Variants in KMT2A observed in about 807,000 individuals in gnomAD.
KMT2A encodes lysine methyltransferase 2A.
Under a neutral mutation model 345.3 loss-of-function variants are expected in KMT2A, and 16 were observed. The ratio of observed to expected loss-of-function variants is 0.05; its 90% CI spans 0.03 to 0.07. KMT2A has a LOEUF of 0.07. KMT2A is among the 10% of genes least tolerant of loss of function. KMT2A has a pLI of 1.00. For synonymous variants in KMT2A, 1,599 were observed against 1,778.6 expected (o/e 0.90, Z 2.54); for missense variants, 3,272 against 4,841.6 (o/e 0.68, Z 9.62).
At chr11:118,447,978 C>A (rs527465744) in intron 1 of KMT2A, 21 of 158,016 alleles carry the variant, frequency 1.3e-4, no homozygotes, top group African/African-American at 4.8e-4. Context: ...TACAGTCCTG[C>A]CTACATATGT....
chr11:118,501,702 C>T lies in KMT2A; in HGVS notation c.6350C>T (p.Ala2117Val), dbSNP rs1178545246. The part of the protein sequence containing the change: ...ESSSKESQNT[A>V]EIISPPSPDR... ...TCATCAAAAGAGAGTCAAAACACAG[C>T]TGAAATTATAAGTCCTCCATCACCA... is the stretch of plus-strand genomic sequence containing the variant. The change falls in exon 26 of 36, where the codon GCT becomes GTT. Residue 2117 changes from alanine to valine, a missense_variant. Ala to Val is a moderately conservative substitution (Grantham distance 64). Around this residue, in one of 27 missense-constraint regions of KMT2A, gnomAD observed 66 missense variants for 73.9 expected, o/e 0.89. Coordinates refer to ENST00000534358, the MANE Select transcript of KMT2A (RefSeq NM_001197104.2). 6.2e-7 allele frequency: 1 copy of T among 1,613,522 alleles called. No homozygotes were observed. The highest frequency in any genetic ancestry group is 8.5e-7 in the Non-Finnish European group (1 of 1,179,846).
intron 1 of KMT2A, among the ~76,000 whole-genome samples, chr11:118,463,629 C>T (rs952992536): frequency 6.6e-6 from 1 of 152,120 alleles, no homozygotes; most frequent in Non-Finnish European, 1.5e-5. Context: ...GGTAGGAAAA[C>T]TATTCTACAG....
intron 1 of KMT2A, among the ~76,000 whole-genome samples, chr11:118,452,602 C>T (rs1453044789): frequency 6.6e-6 from 1 of 150,876 alleles, no homozygotes; most frequent in African/African-American, 2.4e-5. Flanking sequence ...TGCCTTCTAC[C>T]ATCAAAGAAG....
At chr11:118,467,279 A>G (rs1949861508) in intron 1 of KMT2A, among the ~76,000 whole-genome samples, 1 of 151,908 alleles carries the variant, frequency 6.6e-6, no homozygotes, top group Non-Finnish European at 1.5e-5. Flanking sequence ...CAGGAGGCTG[A>G]GGCAAGAGAA....
At chr11:118,507,443 A>G in intron 27 of KMT2A, 86 bp from the exon 28 acceptor site, 1 of 1,150,486 alleles carries the variant, frequency 8.7e-7, no homozygotes, top group Non-Finnish European at 1.3e-6. Context: ...AGATCCTGAT[A>G]GAGCCATTTC....
chr11:118,457,257 CTTTTTTTTTTTTTTTT>C (rs782636684), intron 1 of KMT2A, among the ~76,000 whole-genome samples: 1 of 89,058 alleles, frequency 1.1e-5, no homozygotes, highest in Non-Finnish European at 2.1e-5. Flanking sequence ...CACCTCCTGC[CTTTTTTTTTTTTTTTT>C]TTTTTTTTTT....
rs1950203399 is a variant in KMT2A, at chr11:118,484,925, A to G, written c.4282A>G (p.Ile1428Val). 6 of 1,613,990 alleles carry G rather than the reference A, an allele frequency of 3.7e-6. No individual in the cohort carries two copies. The highest frequency in any genetic ancestry group is 5.1e-6 in the Non-Finnish European group (6 of 1,179,922). Reference protein sequence around the residue: ...GGLGILTSVPITPRVVCFLCA... With the variant: ...GGLGILTSVPVTPRVVCFLCA... The stretch of plus-strand genomic sequence containing the variant: ...CTTAGGAATCTTGACTTCTGTTCCT[A>G]TAACACCCAGGGTGGTTTGCTTTCT... Residue 1428 changes from isoleucine to valine, a missense_variant, in exon 10 of 36, where the codon ATA becomes GTA. Transcript: ENST00000534358. The surrounding 1 kb of genome is among the most constrained non-coding windows in gnomAD (Gnocchi z 4.1).
intron 5 of KMT2A, among the ~76,000 whole-genome samples, chr11:118,479,711 A>G (rs2134292320): frequency 6.6e-6 from 1 of 152,342 alleles, no homozygotes; most frequent in Middle Eastern, 3.4e-3. Context: ...TTTGAATTTT[A>G]TTAAATCTAA....
chr11:118,491,215 T>C lies in KMT2A; in HGVS notation c.4716T>C (p.Cys1572=). ...TTTCAGGAAACTTCTGCCCTCTCTG[T>C]GACAAATGTTATGATGATGATGACT... The part of the protein sequence containing the change: ...LFAKGNFCPL[C]DKCYDDDDYE... Residue 1572 remains cysteine, a synonymous_variant, in exon 14 of 36, where the codon TGT becomes TGC. Coordinates refer to ENST00000534358, the MANE Select transcript of KMT2A (RefSeq NM_001197104.2). This position sits in a 1 kb window ranked among gnomAD's most constrained non-coding sequence, Gnocchi z 4.2. 1.9e-6 allele frequency: 3 copies of C among 1,613,554 alleles called. No homozygotes were observed. Among genetic ancestry groups the C allele is most frequent in the Non-Finnish European group, 2.5e-6 (3 of 1,179,786 alleles).
chr11:118,492,091 G>C (rs942393373), intron 15 of KMT2A, among the ~76,000 whole-genome samples, 163 bp downstream of exon 15: 1 of 152,182 alleles, frequency 6.6e-6, no homozygotes, highest in East Asian at 1.9e-4. Context: ...CTTCTTTAGC[G>C]TAAGAAATAG....
intron 1 of KMT2A, among the ~76,000 whole-genome samples, chr11:118,441,679 T>C (rs1949317146): frequency 6.6e-6 from 1 of 152,256 alleles, no homozygotes; most frequent in African/African-American, 2.4e-5. Context: ...ATTAATATGT[T>C]CTGAAATGGT....
At position 118,494,758 on chromosome 11, in the gene KMT2A, T is replaced by C. The variant is rs1205835369; in HGVS notation, c.5354T>C (p.Val1785Ala). 3.1e-6 allele frequency: 5 copies of C among 1,613,110 alleles called. No homozygotes were observed. Among genetic ancestry groups the C allele is most frequent in the Non-Finnish European group, 3.4e-6 (4 of 1,179,234 alleles). ...TCCAGGTTTTGGGAGCCAAATAAAG[T>C]ATCAAGCAAGTAAGTGAATTTAGCA... is the stretch of plus-strand genomic sequence containing the variant. ...KKSRFWEPNK[V>A]SSNSGMLPNA... Residue 1785 changes from valine to alanine, a missense_variant, in exon 18 of 36, where the codon GTA becomes GCA. Physicochemically the swap from Val to Ala is moderately conservative, Grantham distance 64 (BLOSUM62 0). Coordinates refer to ENST00000534358, the MANE Select transcript of KMT2A (RefSeq NM_001197104.2). This position sits in a 1 kb window ranked among gnomAD's most constrained non-coding sequence, Gnocchi z 5.8.
Position 118,472,613 on chromosome 11 carries a change from A to G in KMT2A, c.1454A>G (p.Asp485Gly). The G allele has an allele frequency of 6.2e-7, 1 of 1,611,936 alleles. No homozygotes were observed. Among genetic ancestry groups the G allele is most frequent in the Non-Finnish European group, 8.5e-7 (1 of 1,179,696 alleles). Residue 485 changes from aspartate to glycine, a missense_variant, in exon 3 of 36, where the codon GAT becomes GGT. This residue lies in a region of KMT2A where 180 missense variants were observed against 190.7 expected (regional missense o/e 0.94). Transcript: ENST00000534358. Reference sequence around the variant, plus strand: ...TCTCGATCTAGTAGCCCCAGTGTTGATACCTCCACAGACTCTCAGGCTTCT... The same window carrying G: ...TCTCGATCTAGTAGCCCCAGTGTTGGTACCTCCACAGACTCTCAGGCTTCT... ...DSSRSSSPSV[D>G]TSTDSQASEE...
At position 118,506,181 on chromosome 11, in the gene KMT2A, G is replaced by C. The variant is rs1555048277; in HGVS notation, c.10289G>C (p.Cys3430Ser). ...TAAITAASSI[C>S]VLPSTQTTGI... Reference sequence around the variant, plus strand: ...GCAATAACAGCGGCATCTAGCATCTGTGTGCTCCCCTCCACTCAGACTACG... The same window carrying C: ...GCAATAACAGCGGCATCTAGCATCTCTGTGCTCCCCTCCACTCAGACTACG... The change falls in exon 27 of 36, where the codon TGT (cysteine) becomes TCT (serine). Residue 3430 changes from cysteine to serine, a missense_variant. Coordinates refer to ENST00000534358, the MANE Select transcript of KMT2A (RefSeq NM_001197104.2). The C allele has an allele frequency of 6.2e-7, 1 of 1,614,164 alleles. No individual in the cohort carries two copies. Among genetic ancestry groups the C allele is most frequent in the South Asian group, 1.1e-5 (1 of 91,084 alleles).
In KMT2A at chr11:118,520,562, A is replaced by G; in HGVS notation, c.11430-240A>G. The G allele has an allele frequency of 2.0e-6, 1 of 504,206 alleles. No individual in the cohort carries two copies. Among genetic ancestry groups the G allele is most frequent in the Middle Eastern group, 5.4e-4 (1 of 1,856 alleles). 31.2% of individuals were successfully genotyped at this position (504,206 alleles called of 1,614,324 possible). Reference sequence around the variant, plus strand: ...CCTACTCAGCAGGCTGAGGCAAGAGAATCGCTTGAACCCAGGAGGCGGAGG... The same window carrying G: ...CCTACTCAGCAGGCTGAGGCAAGAGGATCGCTTGAACCCAGGAGGCGGAGG... On this transcript the variant is annotated intron_variant, in intron 33 of 35. Coordinates refer to ENST00000534358, the MANE Select transcript of KMT2A (RefSeq NM_001197104.2). This position sits in a 1 kb window ranked among gnomAD's most constrained non-coding sequence, Gnocchi z 4.3.
chr11:118,488,735 G>C lies in KMT2A; in HGVS notation c.4454G>C (p.Cys1485Ser). 1 of 1,614,162 alleles carries C rather than the reference G, an allele frequency of 6.2e-7. No homozygotes were observed. The highest frequency in any genetic ancestry group is 8.5e-7 in the Non-Finnish European group (1 of 1,180,022). ...CCRRCKFCHV[C>S]GRQHQATKQL... ...CGTCGTTGCAAATTCTGTCACGTTTGTGGAAGGCAACATCAGGCTACAAAG... is the reference window on the plus strand; with the variant it reads ...CGTCGTTGCAAATTCTGTCACGTTTCTGGAAGGCAACATCAGGCTACAAAG... The change falls in exon 11 of 36, where the codon TGT becomes TCT. Residue 1485 changes from cysteine (C) to serine (S), a missense_variant. Physicochemically the swap from Cys to Ser is moderately radical, Grantham distance 112. Transcript: ENST00000534358.
chr11:118,492,618 G>A (rs1269431253), intron 15 of KMT2A, among the ~76,000 whole-genome samples: 1 of 152,240 alleles, frequency 6.6e-6, no homozygotes, highest in East Asian at 1.9e-4. Flanking sequence ...GGCGGAGCTT[G>A]CAGTAAGCCG....
chr11:118,507,860 G>A (rs1950614576), intron 28 of KMT2A: 1 of 379,100 alleles, frequency 2.6e-6, no homozygotes, highest in South Asian at 2.7e-5. Context: ...CCACTCAGGA[G>A]GCTGAGGCAG....
Position 118,502,764 on chromosome 11 carries a change from T to C in KMT2A, c.6872T>C (p.Met2291Thr), listed in dbSNP as rs782689014. 2.5e-6 allele frequency: 4 copies of C among 1,614,142 alleles called. No homozygotes were observed. The highest frequency in any genetic ancestry group is 3.4e-6 in the Non-Finnish European group (4 of 1,180,024). The change falls in exon 27 of 36, where the codon ATG becomes ACG. Residue 2291 changes from methionine to threonine, a missense_variant. Met to Thr is a moderately conservative substitution (Grantham distance 81). Transcript: ENST00000534358. This position sits in a 1 kb window ranked among gnomAD's most constrained non-coding sequence, Gnocchi z 4.9. ...TTGGATGGATCTTCATCTTCAGAAA[T>C]GAAGCAGTCCAGTGCTTCAGACTTG... ...SHLDGSSSSEMKQSSASDLVS... is the reference protein window; with the variant it reads ...SHLDGSSSSETKQSSASDLVS...
Sources: gnomAD v4.1 joint callset for allele counts (sites outside exome capture counted in the v4.1 genomes callset) on GRCh38, gnomAD v4.1.1 for gene constraint, gnomAD v4.1.1 regional missense constraint, Gnocchi (gnomAD v3.1) non-coding constraint, MANE v1.5 for transcripts, NCBI Gene and HGNC (gene_info 2026-07-23, HGNC 2026-07-21) for gene names.